PRDM11: variants seen among roughly 807,000 people sequenced by gnomAD.
The protein encoded by PRDM11 is PR domain-containing protein 11.
Under a neutral mutation model 97.8 loss-of-function variants are expected in PRDM11, and 20 were observed. The observed-to-expected ratio is 0.20, with a 90% CI of 0.14 to 0.30. The LOEUF is 0.30. Among genes scored for constraint, PRDM11 ranks in the 10% least tolerant of loss-of-function variants. The pLI, the probability that PRDM11 is intolerant of heterozygous loss-of-function variation, is 1.00. For synonymous variants in PRDM11, 599 were observed against 637.7 expected (o/e 0.94, Z 0.91); for missense variants, 1,139 against 1,555.2 (o/e 0.73, Z 4.50).
At chr11:45,142,022 A>G (rs909873688), upstream of PRDM11, among the ~76,000 whole-genome samples, 3 of 152,148 alleles carry the variant, frequency 2.0e-5, no homozygotes, top group Non-Finnish European at 4.4e-5. Flanking sequence ...AAAAAGACAC[A>G]CGTTTGCTTC....
chr11:45,221,417 A>C (rs1186679770), intron 6 of PRDM11, among the ~76,000 whole-genome samples: 1 of 152,240 alleles, frequency 6.6e-6, no homozygotes, highest in Non-Finnish European at 1.5e-5. Flanking sequence ...AAGACAGCCA[A>C]GAAGCTTTCC....
rs1189580620 is a variant in PRDM11, at chr11:45,227,688, C to T, written c.3063C>T (p.Thr1021=). The T allele has an allele frequency of 1.3e-6, 2 of 1,533,842 alleles. No homozygotes were observed. The highest frequency in any genetic ancestry group is 2.7e-5 in the African/African-American group (2 of 72,970). The change falls in exon 8 of 8, where the codon ACC becomes ACT. Residue 1021 remains threonine (T), a synonymous_variant. Coordinates refer to ENST00000683152, the MANE Select transcript of PRDM11 (RefSeq NM_001384648.1). This position sits in a 1 kb window ranked among gnomAD's most constrained non-coding sequence, Gnocchi z 8.0. ...TTGATCACCTGGAGGCCATCCCGAC[C>T]TTTTCCCGGGATGTCTGTAGGGAAG... The part of the protein sequence containing the change: ...QIFDHLEAIP[T]FSRDVCREGL...
chr11:45,227,179 G>T lies in PRDM11; in HGVS notation c.2554G>T (p.Val852Phe), dbSNP rs1432500247. The T allele has an allele frequency of 6.5e-7, 1 of 1,533,962 alleles. No homozygotes were observed. The highest frequency in any genetic ancestry group is 2.0e-5 in the Admixed American group (1 of 50,992). ...GGAGGTGGTGGCCCATCTCAAGGAG[G>T]TCAGCAGCCAGACCCAGCGGGCAGA... is the stretch of plus-strand genomic sequence containing the variant. ...YLEVVAHLKE[V>F]SSQTQRADAS... Residue 852 changes from valine to phenylalanine, a missense_variant, in exon 8 of 8, where the codon GTC (valine) becomes TTC (phenylalanine). By Grantham distance (50) the Val-to-Phe change is conservative. Coordinates refer to ENST00000683152, the MANE Select transcript of PRDM11 (RefSeq NM_001384648.1). This position sits in a 1 kb window ranked among gnomAD's most constrained non-coding sequence, Gnocchi z 8.0.
chr11:45,169,535 C>T (rs1355198141), intron 1 of PRDM11, among the ~76,000 whole-genome samples: 2 of 152,192 alleles, frequency 1.3e-5, no homozygotes, highest in Non-Finnish European at 2.9e-5. Context: ...AACAGCCTTA[C>T]CAAGTAGGTG....
At chr11:45,137,475 G>A (rs1442107648) in intron 1 of PRDM11, among the ~76,000 whole-genome samples, 1 of 151,890 alleles carries the variant, frequency 6.6e-6, no homozygotes, top group East Asian at 1.9e-4. Flanking sequence ...GGGAGGCTGG[G>A]TGTGGCGGCT....
rs1163429701 is a variant in PRDM11 at position 45,234,593 on chromosome 11, G to A, written c.*6434G>A. The A allele has an allele frequency of 2.0e-5, 3 of 152,294 alleles. No individual in the cohort carries two copies. The allele number at this position is 152,294 out of a possible 1,614,324, so 9.4% of individuals were successfully genotyped here. A position where few individuals can be genotyped will look rare whatever the true frequency, so the allele number is the denominator to read the frequency against. On this transcript the variant is annotated 3_prime_UTR_variant, in exon 8 of 8. Transcript: ENST00000683152. ...CACGGCCAGGGGATGGGCATCCCCAGGTAGCAATCCCACAATGCACTGTAC... is the reference window on the plus strand; with the variant it reads ...CACGGCCAGGGGATGGGCATCCCCAAGTAGCAATCCCACAATGCACTGTAC...
intron 1 of PRDM11, among the ~76,000 whole-genome samples, chr11:45,166,204 C>A (rs936114190): frequency 6.6e-6 from 1 of 152,266 alleles, no homozygotes; most frequent in South Asian, 2.1e-4. Flanking sequence ...GTCCTCAGGA[C>A]TTGTTCCGTC....
At chr11:45,146,405 T>G (rs1238212077), upstream of PRDM11, among the ~76,000 whole-genome samples, 1 of 152,170 alleles carries the variant, frequency 6.6e-6, no homozygotes, top group African/African-American at 2.4e-5. Context: ...CTCTTAACCT[T>G]TTCTTTTTTT....
intron 1 of PRDM11, among the ~76,000 whole-genome samples, chr11:45,104,546 G>A (rs1204009709): frequency 6.6e-6 from 1 of 152,162 alleles, no homozygotes; most frequent in Non-Finnish European, 1.5e-5. Flanking sequence ...TCTCCATTTT[G>A]CAGATGAGGA....
intron 4 of PRDM11, among the ~76,000 whole-genome samples, chr11:45,187,313 A>G (rs1852740608): frequency 2.0e-5 from 3 of 152,194 alleles, no homozygotes. Context: ...ATGGCTTCAC[A>G]GCCTATTGGA....
At chr11:45,142,296 G>A (rs1259809261), upstream of PRDM11, among the ~76,000 whole-genome samples, 1 of 152,110 alleles carries the variant, frequency 6.6e-6, no homozygotes, top group Non-Finnish European at 1.5e-5. Flanking sequence ...ACTGCACCCT[G>A]GGCACACTAG....
In PRDM11 at chr11:45,234,380, T is replaced by A. The variant is rs1392507024; in HGVS notation, c.*6221T>A. On this transcript the variant is annotated 3_prime_UTR_variant, in exon 8 of 8. Coordinates refer to ENST00000683152, the MANE Select transcript of PRDM11 (RefSeq NM_001384648.1). ...GCCCCTGTCTTGCTCTTCCCCACCA[T>A]CCTACAAGTACCTCAGTCTCCAGCA... 2 of 152,958 alleles carry A rather than the reference T, an allele frequency of 1.3e-5. No individual in the cohort carries two copies. Among genetic ancestry groups the A allele is most frequent in the African/African-American group, 4.8e-5 (2 of 41,374 alleles). The allele number at this position is 152,958 out of a possible 1,614,324, so 9.5% of individuals were successfully genotyped here.
upstream of PRDM11, among the ~76,000 whole-genome samples, chr11:45,143,307 T>G (rs938977630): frequency 1.3e-5 from 2 of 152,152 alleles, no homozygotes; most frequent in Non-Finnish European, 2.9e-5. Context: ...ACAGGAAGTA[T>G]TTTGCTTGGT....
chr11:45,176,208 T>G (rs1852324381), intron 1 of PRDM11, among the ~76,000 whole-genome samples: 1 of 152,002 alleles, frequency 6.6e-6, no homozygotes, highest in South Asian at 2.1e-4. Context: ...ACCCTGTCTC[T>G]ACTAAAAAAA....
intron 4 of PRDM11, among the ~76,000 whole-genome samples, chr11:45,202,690 G>A (rs1853371350): frequency 6.6e-6 from 1 of 152,200 alleles, no homozygotes; most frequent in Admixed American, 6.5e-5. Context: ...AAGAGAAGAA[G>A]TTGGAGGCAG....
Position 45,226,777 on chromosome 11 carries a change from A to T in PRDM11, c.2152A>T (p.Ile718Phe), listed in dbSNP as rs779821911. Residue 718 changes from isoleucine (I) to phenylalanine (F), a missense_variant, in exon 8 of 8, where the codon ATC becomes TTC. This residue lies in a region of PRDM11 where 710 missense variants were observed against 1,044.9 expected (regional missense o/e 0.68). Transcript: ENST00000683152. Reference protein sequence around the residue: ...ALDRAFSALGIRLQDEKPTVG... With the variant: ...ALDRAFSALGFRLQDEKPTVG... Reference sequence around the variant, plus strand: ...TGACCGGGCCTTCTCGGCCTTGGGCATCCGGTTGCAGGATGAAAAGCCAAC... The same window carrying T: ...TGACCGGGCCTTCTCGGCCTTGGGCTTCCGGTTGCAGGATGAAAAGCCAAC... 10 of 1,533,980 alleles carry T rather than the reference A, an allele frequency of 6.5e-6. No homozygotes were observed. The highest frequency in any genetic ancestry group is 8.7e-6 in the Non-Finnish European group (10 of 1,146,730).
chr11:45,199,779 C>T (rs1206158637), intron 4 of PRDM11, among the ~76,000 whole-genome samples: 3 of 152,190 alleles, frequency 2.0e-5, no homozygotes, highest in Non-Finnish European at 4.4e-5. Context: ...GGCCTGGGCT[C>T]ATCAGTGGCA....
intron 1 of PRDM11, among the ~76,000 whole-genome samples, chr11:45,120,227 A>G (rs1852399090): frequency 6.6e-6 from 1 of 152,234 alleles, no homozygotes; most frequent in African/African-American, 2.4e-5. Context: ...CAGAGCATAA[A>G]GGCATGTGAG....
At chr11:45,099,550 CTT>C (rs11450958) in intron 1 of PRDM11, among the ~76,000 whole-genome samples, 1 of 146,694 alleles carries the variant, frequency 6.8e-6, no homozygotes. Context: ...CTTACACTGC[CTT>C]TTTTTTTTAC....
Sources: allele counts gnomAD v4.1 joint callset (sites outside exome capture counted in the v4.1 genomes callset), GRCh38; gene constraint gnomAD v4.1.1; regional missense constraint gnomAD v4.1.1; non-coding constraint Gnocchi (gnomAD v3.1); transcripts MANE v1.5; gene names NCBI Gene and HGNC (gene_info 2026-07-23, HGNC 2026-07-21).